PLEKHG6: variants seen among roughly 807,000 people sequenced by gnomAD.
PLEKHG6 encodes the protein pleckstrin homology and RhoGEF domain containing G6, also known as pleckstrin homology domain-containing family G member 6.
Under a neutral mutation model 97.5 loss-of-function variants are expected in PLEKHG6, and 91 were observed. The ratio of observed to expected loss-of-function variants is 0.93; its 90% CI spans 0.79 to 1.11. PLEKHG6 has a LOEUF of 1.11. PLEKHG6 is among the 50% of genes most tolerant of loss of function. The pLI, the probability that PLEKHG6 is intolerant of heterozygous loss-of-function variation, is 0.00. For missense variants in PLEKHG6, 1,044 were observed against 1,031.0 expected (o/e 1.01, Z -0.17); for synonymous variants, 466 against 425.5 (o/e 1.10, Z -1.17).
At chr12:6,313,497 G>A (rs1229585616) in intron 2 of PLEKHG6, 132 bp from the exon 3 acceptor site, 3 of 1,086,000 alleles carry the variant, frequency 2.8e-6, no homozygotes, top group Non-Finnish European at 4.0e-6. Flanking sequence ...CTGGTTTGCA[G>A]GGAGAAGTGA....
intron 7 of PLEKHG6, 142 bp from the exon 8 acceptor site, chr12:6,317,161 C>G: frequency 1.6e-6 from 1 of 620,354 alleles, no homozygotes; most frequent in East Asian, 2.7e-5. Flanking sequence ...CTGGGAGGAT[C>G]CTGGGAGGGA....
Position 6,327,764 on chromosome 12 carries a change from C to G in PLEKHG6, c.2181C>G (p.His727Gln). The G allele has an allele frequency of 1.3e-6, 2 of 1,541,010 alleles. No individual in the cohort carries two copies. The highest frequency in any genetic ancestry group is 1.7e-6 in the Non-Finnish European group (2 of 1,147,974). ...GGCCTCTGTTCCTGAAAGCTGGCCA[C>G]ACATCCCTGCGCCCAATGCGGGCTG... ...EEGPLFLKAG[H>Q]TSLRPMRAED... The change falls in exon 15 of 16, where the codon CAC becomes CAG. Residue 727 changes from histidine (H) to glutamine (Q), a missense_variant. His to Gln is a conservative substitution (Grantham distance 24). Coordinates refer to ENST00000684764, the MANE Select transcript of PLEKHG6 (RefSeq NM_001384598.1).
chr12:6,314,227 G>A (rs1221783778), intron 3 of PLEKHG6, among the ~76,000 whole-genome samples: 3 of 152,146 alleles, frequency 2.0e-5, no homozygotes. Flanking sequence ...AATGGGCCGG[G>A]CGTGGTGGCT....
intron 11 of PLEKHG6, 52 bp from the exon 12 acceptor site, chr12:6,318,693 T>A: frequency 6.3e-7 from 1 of 1,592,770 alleles, no homozygotes; most frequent in East Asian, 2.2e-5. Flanking sequence ...GGACCAGCCC[T>A]GCCCCTGGCT....
rs1298912721 is a variant in PLEKHG6, at chr12:6,317,414, G to A, written c.867+1G>A. The A allele has an allele frequency of 1.2e-6, 2 of 1,612,426 alleles. No individual in the cohort carries two copies. The highest frequency in any genetic ancestry group is 1.7e-5 in the Admixed American group (1 of 60,030). On this transcript the variant is annotated splice_donor_variant, in intron 8 of 15. Coordinates refer to ENST00000684764, the MANE Select transcript of PLEKHG6 (RefSeq NM_001384598.1). LOFTEE classifies it high-confidence loss of function. ...CCCTCTCTTCCATGCCTTCGTGCAG[G>A]TGGGAGAAGGGGTGCTGGGGAGGGG...
chr12:6,319,548 C>A (rs1011560579), intron 13 of PLEKHG6: 12 of 1,531,616 alleles, frequency 7.8e-6, no homozygotes, highest in Middle Eastern at 1.7e-4. Context: ...CAGTTTCAGA[C>A]TGGACAATCT....
In PLEKHG6 at chr12:6,327,491, C is replaced by CCCCCCCCCAACCCCTCA; in HGVS notation, c.1908_1909insCCCCCCCCAACCCCTCA (p.Asp637ProfsTer24). ...ACATCCCTCTGCGTCCCCACCCTCC[C>CCCCCCCCCAACCCCTCA]GACCCCCAAGCTCCTCAACGCCGAA... is the stretch of plus-strand genomic sequence containing the variant. On this transcript the variant is annotated frameshift_variant, in exon 15 of 16. Coordinates refer to ENST00000684764, the MANE Select transcript of PLEKHG6 (RefSeq NM_001384598.1). LOFTEE classifies it high-confidence loss of function. 1 of 1,589,442 alleles carries CCCCCCCCCAACCCCTCA rather than the reference C, an allele frequency of 6.3e-7. No individual in the cohort carries two copies. The highest frequency in any genetic ancestry group is 8.6e-7 in the Non-Finnish European group (1 of 1,164,866).
chr12:6,318,156 A>T, intron 10 of PLEKHG6, 145 bp from the exon 11 acceptor site: 2 of 1,415,816 alleles, frequency 1.4e-6, no homozygotes, highest in Non-Finnish European at 1.9e-6. Flanking sequence ...AGAAGAGCAA[A>T]AAGGAGGCCC....
At position 6,327,947 on chromosome 12, in the gene PLEKHG6, G is replaced by GT. The variant is rs755273056; in HGVS notation, c.2363+2dup. ...AGCTGGACACCCCTCTGTCCGCATC[G>GT]TAAGTGCTGGAGGGAAGCTGGCCTG... On this transcript the variant is annotated splice_donor_variant, in intron 15 of 15. Coordinates refer to ENST00000684764, the MANE Select transcript of PLEKHG6 (RefSeq NM_001384598.1). LOFTEE classifies it high-confidence loss of function. 23 of 1,495,158 alleles carry GT rather than the reference G, an allele frequency of 1.5e-5. No individual in the cohort carries two copies. Among genetic ancestry groups the GT allele is most frequent in the African/African-American group, 2.8e-5 (2 of 71,658 alleles). 92.6% of individuals were successfully genotyped at this position (1,495,158 alleles called of 1,614,324 possible).
rs1351349557 is a variant in PLEKHG6 at position 6,312,258 on chromosome 12, C to G, written c.32C>G (p.Pro11Arg). Residue 11 changes from proline (P) to arginine (R), a missense_variant, in exon 2 of 16, where the codon CCC becomes CGC. Coordinates refer to ENST00000684764, the MANE Select transcript of PLEKHG6 (RefSeq NM_001384598.1). ...GCCTTTGGTCCTCCACATGAGGGCC[C>G]CCTCCAAGGACTCGTGGCCTCCCGC... is the stretch of plus-strand genomic sequence containing the variant. MKAFGPPHEG[P>R]LQGLVASRIE... 8.4e-6 allele frequency: 13 copies of G among 1,539,038 alleles called. No individual in the cohort carries two copies. The highest frequency in any genetic ancestry group is 1.1e-5 in the Non-Finnish European group (13 of 1,149,972).
intron 3 of PLEKHG6, among the ~76,000 whole-genome samples, chr12:6,314,228 C>T (rs745406619): frequency 3.3e-5 from 5 of 152,044 alleles, no homozygotes; most frequent in South Asian, 2.1e-4. Context: ...ATGGGCCGGG[C>T]GTGGTGGCTC....
chr12:6,312,040 T>G (rs369734122), intron 1 of PLEKHG6, 119 bp from the exon 2 acceptor site: 5 of 487,972 alleles, frequency 1.0e-5, no homozygotes, highest in East Asian at 7.1e-5. Flanking sequence ...GACCAAGCCC[T>G]TGGCCCTCTC....
At position 6,317,566 on chromosome 12, in the gene PLEKHG6, G is replaced by T. The variant is rs541519666; in HGVS notation, c.887G>T (p.Arg296Leu). The T allele has an allele frequency of 1.9e-6, 3 of 1,613,812 alleles. No homozygotes were observed. The highest frequency in any genetic ancestry group is 2.7e-5 in the African/African-American group (2 of 75,048). Residue 296 changes from arginine to leucine, a missense_variant, in exon 9 of 16, where the codon CGC (arginine) becomes CTC (leucine). Physicochemically the swap from Arg to Leu is moderately radical, Grantham distance 102 (BLOSUM62 -2). Transcript: ENST00000684764. ...CTGCAGTGGTGTGAGAAGCACAAGC[G>T]CTCTGGGAGGCAGATGCTCTGTGAC... ...AFVQWCEKHK[R>L]SGRQMLCDLL...
chr12:6,314,672 C>G (rs1007094634), intron 3 of PLEKHG6, among the ~76,000 whole-genome samples: 1 of 152,128 alleles, frequency 6.6e-6, no homozygotes, highest in Non-Finnish European at 1.5e-5. Flanking sequence ...GTCCCTCCCC[C>G]ACCTCATTCT....
rs143631082 is a variant in PLEKHG6, at chr12:6,325,136, G to A, written c.1525-1292G>A. ...CTCCCTTTTGCCAAGGCTTGCCTCC[G>A]CCTCCAACCTCAGCTCTGCCACCTT... is the stretch of plus-strand genomic sequence containing the variant. On this transcript the variant is annotated intron_variant, in intron 13 of 15. Coordinates refer to ENST00000684764, the MANE Select transcript of PLEKHG6 (RefSeq NM_001384598.1). Among the ~76,000 whole-genome samples the A allele has an allele frequency of 3.7e-3, 568 of 152,152 alleles. 4 individuals carry two copies. The highest frequency in any genetic ancestry group is 0.012 in the African/African-American group (516 of 41,486).
intron 13 of PLEKHG6, 78 bp from the exon 14 acceptor site, chr12:6,326,350 C>T (rs1370277167): frequency 2.6e-5 from 24 of 935,808 alleles, no homozygotes; most frequent in Middle Eastern, 2.2e-4. Context: ...ATATATGTAA[C>T]GCACTTAGCA....
Position 6,318,530 on chromosome 12 carries a change from G to A in PLEKHG6, c.1275+110G>A, listed in dbSNP as rs550707072. ...GGTTTGGGGAAGAGGATGTGGTTCTGGCTAAGCCCCAGTCATTTGTGTGAC... is the reference window on the plus strand; with the variant it reads ...GGTTTGGGGAAGAGGATGTGGTTCTAGCTAAGCCCCAGTCATTTGTGTGAC... On this transcript the variant is annotated intron_variant, in intron 11 of 15. Transcript: ENST00000684764. The A allele has an allele frequency of 5.2e-5, 71 of 1,370,716 alleles. No individual in the cohort carries two copies. The South Asian group carries it at 6.7e-4, about 13-fold the overall frequency. 84.9% of individuals were successfully genotyped at this position (1,370,716 alleles called of 1,614,324 possible).
In PLEKHG6 at chr12:6,319,063, T is replaced by C. The variant is rs540268572; in HGVS notation, c.1479T>C (p.Ser493=). The C allele has an allele frequency of 6.2e-7, 1 of 1,612,376 alleles. No homozygotes were observed. The highest frequency in any genetic ancestry group is 2.2e-5 in the East Asian group (1 of 44,822). ...VSSALLVHCP[S]PTDRAQWLEK... ...GCGCCCTCCTTGTGCACTGTCCCAG[T>C]CCTACAGACCGTGCCCAGTGGCTGG... Residue 493 remains serine (S), a synonymous_variant, in exon 13 of 16, where the codon AGT becomes AGC. Transcript: ENST00000684764.
At chr12:6,320,807 T>G (rs2096362141) in intron 13 of PLEKHG6, among the ~76,000 whole-genome samples, 1 of 152,174 alleles carries the variant, frequency 6.6e-6, no homozygotes. Flanking sequence ...GTTAGACTTT[T>G]AAGGATAGGA....
Sources: gnomAD v4.1 joint callset for allele counts (sites outside exome capture counted in the v4.1 genomes callset) on GRCh38, gnomAD v4.1.1 for gene constraint, MANE v1.5 for transcripts, NCBI Gene and HGNC (gene_info 2026-07-23, HGNC 2026-07-21) for gene names.